ITGA9: variants seen among roughly 807,000 people sequenced by gnomAD.
ITGA9 encodes integrin alpha-9.
A neutral mutation model predicts 127.8 loss-of-function variants in ITGA9; 56 were observed. That is an observed-to-expected ratio of 0.44 (90% confidence interval 0.35 to 0.55). ITGA9 has a LOEUF of 0.55. Ranked by LOEUF, ITGA9 falls within the 20% of genes least tolerant of loss-of-function variation. ITGA9 has a pLI of 0.00. For synonymous variants in ITGA9, 508 were observed against 514.5 expected (o/e 0.99, Z 0.17); for missense variants, 1,196 against 1,347.1 (o/e 0.89, Z 1.76).
chr3:37,533,724 AGAC>A (rs1699181629), intron 14 of ITGA9, among the ~76,000 whole-genome samples: 1 of 152,222 alleles, frequency 6.6e-6, no homozygotes, highest in African/African-American at 2.4e-5. Flanking sequence ...TATGAGGGCT[AGAC>A]TGAAGCCTCA....
chr3:37,773,485 A>G (rs1696868798), intron 23 of ITGA9, among the ~76,000 whole-genome samples: 1 of 152,238 alleles, frequency 6.6e-6, no homozygotes. Context: ...CAAACGCCCA[A>G]TAAACATAAA....
intron 18 of ITGA9, among the ~76,000 whole-genome samples, chr3:37,696,434 A>G (rs1700885881): frequency 6.6e-6 from 1 of 152,246 alleles, no homozygotes; most frequent in African/African-American, 2.4e-5. Flanking sequence ...TTATTTTCAC[A>G]AAATGAAGCC....
chr3:37,587,196 T>C (rs1247175162), intron 15 of ITGA9, among the ~76,000 whole-genome samples: 16 of 152,200 alleles, frequency 1.1e-4, no homozygotes. Flanking sequence ...ATATTAAAAA[T>C]GGTATGTATG....
At chr3:37,712,251 AG>A (rs1701087360) in intron 18 of ITGA9, among the ~76,000 whole-genome samples, 1 of 152,166 alleles carries the variant, frequency 6.6e-6, no homozygotes, top group Non-Finnish European at 1.5e-5. Flanking sequence ...GTGACCACAG[AG>A]GGTCCCACCT....
chr3:37,526,499 C>A (rs1248625894), intron 13 of ITGA9, among the ~76,000 whole-genome samples: 1 of 152,242 alleles, frequency 6.6e-6, no homozygotes, highest in Non-Finnish European at 1.5e-5. Flanking sequence ...ATTTGTACCT[C>A]CAGTCAGTCC....
intron 16 of ITGA9, among the ~76,000 whole-genome samples, chr3:37,651,646 G>A (rs1411081679): frequency 6.6e-6 from 1 of 152,210 alleles, no homozygotes. Context: ...GAGATGAGCA[G>A]TAGGAGGGAA....
At chr3:37,506,228 GC>G in intron 7 of ITGA9, 143 bp downstream of exon 7, 2 of 712,878 alleles carry the variant, frequency 2.8e-6, no homozygotes. Flanking sequence ...CCCCCTGACT[GC>G]CCCACTCCAT....
chr3:37,777,371 C>T, intron 23 of ITGA9, 21 bp from the exon 24 acceptor site: 1 of 1,613,952 alleles, frequency 6.2e-7, no homozygotes, highest in Non-Finnish European at 8.5e-7. Context: ...ACTCCTCTGA[C>T]AGGCCTCTTT....
rs183310464 is a variant in ITGA9, at chr3:37,750,413, G to A, written c.2434-49G>A. ...TATATATTGCATGACAGGAAATGGA[G>A]GTCTGCTATTTTCCACTGAGACTTG... On this transcript the variant is annotated intron_variant, in intron 22 of 27. Transcript: ENST00000264741. 1.2e-4 allele frequency: 129 copies of A among 1,033,018 alleles called. No individual in the cohort carries two copies. The African/African-American group carries it at 1.7e-3, about 13-fold the overall frequency. The allele number at this position is 1,033,018 out of a possible 1,614,324, so 64.0% of individuals were successfully genotyped here. A position where few individuals can be genotyped will look rare whatever the true frequency, so the allele number is the denominator to read the frequency against.
intron 17 of ITGA9, among the ~76,000 whole-genome samples, chr3:37,655,996 A>G (rs1035818517): frequency 1.3e-5 from 2 of 152,284 alleles, no homozygotes; most frequent in Non-Finnish European, 2.9e-5. Context: ...CAAAGATCAG[A>G]TGGTTGTAGA....
In ITGA9 at chr3:37,678,988, C is replaced by CA. The variant is rs367558802; in HGVS notation, c.1917-4869dup. 4.1e-3 allele frequency among the ~76,000 whole-genome samples: 627 copies of CA among 151,478 alleles called. 2 individuals are homozygous for CA. The highest frequency in any genetic ancestry group is 8.8e-3 in the Admixed American group (134 of 15,240). On this transcript the variant is annotated intron_variant, in intron 17 of 27. Transcript: ENST00000264741. ...TTAAGTACAAACCCAATAACGCAGTCAAAAAAAAGCCAGCTGCTATAAGAT... is the reference window on the plus strand; with the variant it reads ...TTAAGTACAAACCCAATAACGCAGTCAAAAAAAAAGCCAGCTGCTATAAGAT...
intron 15 of ITGA9, among the ~76,000 whole-genome samples, chr3:37,543,254 G>T (rs954534222): frequency 2.0e-5 from 3 of 152,194 alleles, no homozygotes; most frequent in African/African-American, 7.2e-5. Context: ...GATGCTGCAG[G>T]AATGGCCAGA....
At chr3:37,659,172 G>A (rs1700508822) in intron 17 of ITGA9, among the ~76,000 whole-genome samples, 1 of 152,084 alleles carries the variant, frequency 6.6e-6, no homozygotes, top group Non-Finnish European at 1.5e-5. Flanking sequence ...TGGTCTTCCT[G>A]AGGAGTATCT....
Position 37,629,582 on chromosome 3 carries a change from C to T in ITGA9, c.1839+246C>T. 2 of 618,028 alleles carry T rather than the reference C, an allele frequency of 3.2e-6. No individual in the cohort carries two copies. The highest frequency in any genetic ancestry group is 5.7e-6 in the Non-Finnish European group (2 of 349,098). 38.3% of individuals were successfully genotyped at this position (618,028 alleles called of 1,614,324 possible). ...TTCTCAGGCTGTTAGAAGTTACAAT[C>T]CCCTCGAGTTCGTGAACTGGCTGGC... On this transcript the variant is annotated intron_variant, in intron 16 of 27. Transcript: ENST00000264741. The surrounding 1 kb of genome is among the most constrained non-coding windows in gnomAD (Gnocchi z 4.5).
rs62241491 is a variant in ITGA9, at chr3:37,687,949, G to C, written c.2067+3934G>C. The stretch of plus-strand genomic sequence containing the variant: ...AGCAGGTTACTGCCGTAGGCACCTT[G>C]GGCTTGTCTTCCTCAGACCCTCCAA... On this transcript the variant is annotated intron_variant, in intron 18 of 27. Coordinates refer to ENST00000264741, the MANE Select transcript of ITGA9 (RefSeq NM_002207.3). Among the ~76,000 whole-genome samples, 1,470 of 152,308 alleles carry C rather than the reference G, an allele frequency of 9.7e-3. 21 individuals are homozygous for C. Among genetic ancestry groups the C allele is most frequent in the Admixed American group, 0.028 (425 of 15,294 alleles).
intron 8 of ITGA9, among the ~76,000 whole-genome samples, chr3:37,510,302 C>G (rs1698888720): frequency 6.6e-6 from 1 of 152,120 alleles, no homozygotes; most frequent in African/African-American, 2.4e-5. Context: ...CCGCACCTGG[C>G]CAAGGATTAT....
rs189216599 is a variant in ITGA9 at position 37,654,824 on chromosome 3, C to A, written c.1916+1034C>A. Reference sequence around the variant, plus strand: ...CTGTCATCTACATTAGGTATTTCTCCTAATGCTATCCCTCCCCTAACCCCC... The same window carrying A: ...CTGTCATCTACATTAGGTATTTCTCATAATGCTATCCCTCCCCTAACCCCC... On this transcript the variant is annotated intron_variant, in intron 17 of 27. Transcript: ENST00000264741. Among the ~76,000 whole-genome samples the A allele has an allele frequency of 2.2e-3, 338 of 152,246 alleles. 3 individuals carry two copies. Among genetic ancestry groups the A allele is most frequent in the African/African-American group, 7.8e-3 (322 of 41,524 alleles).
intron 17 of ITGA9, among the ~76,000 whole-genome samples, chr3:37,664,074 C>T (rs889624826): frequency 2.0e-5 from 3 of 152,180 alleles, no homozygotes; most frequent in Non-Finnish European, 2.9e-5. Context: ...GCTCAAGGCT[C>T]ATGTTGTATG....
chr3:37,462,444 C>T (rs918274601), intron 1 of ITGA9, among the ~76,000 whole-genome samples: 1 of 152,188 alleles, frequency 6.6e-6, no homozygotes, highest in Non-Finnish European at 1.5e-5. Context: ...TTCTATATGC[C>T]AGAACCACTG....
Sources: gnomAD v4.1 joint callset for allele counts (sites outside exome capture counted in the v4.1 genomes callset) on GRCh38, gnomAD v4.1.1 for gene constraint, Gnocchi (gnomAD v3.1) non-coding constraint, MANE v1.5 for transcripts, NCBI Gene and HGNC (gene_info 2026-07-23, HGNC 2026-07-21) for gene names.